Variants in NDE1 observed in about 807,000 individuals in gnomAD.
The protein encoded by NDE1 is nudE neurodevelopment protein 1, also known as nuclear distribution protein nudE homolog 1.
NDE1 carries 28 observed loss-of-function variants against 43.4 expected under a neutral mutation model. The observed-to-expected ratio is 0.65, with a 90% CI of 0.48 to 0.89. NDE1 has a LOEUF of 0.89. NDE1 is among the 40% of genes least tolerant of loss of function. The probability of loss-of-function intolerance (pLI) is 0.00; values close to 1 mark genes in which losing one functional copy is unlikely to be tolerated. For synonymous variants in NDE1, 184 were observed against 172.0 expected (o/e 1.07, Z -0.55); for missense variants, 441 against 434.1 (o/e 1.02, Z -0.14).
intron 1 of NDE1, among the ~76,000 whole-genome samples, chr16:15,664,329 A>T (rs2037192673): frequency 6.6e-6 from 1 of 152,024 alleles, no homozygotes; most frequent in Admixed American, 6.6e-5. Context: ...GGCAGTATTT[A>T]ATCATTTAAC....
chr16:15,712,609 T>A (rs11859586), intron 8 of NDE1, among the ~76,000 whole-genome samples: 1 of 152,040 alleles, frequency 6.6e-6, no homozygotes. Flanking sequence ...GAGAACTAAG[T>A]TGATACCCTG....
Position 15,725,500 on chromosome 16 carries a change from T to C in NDE1, c.*1249T>C. On this transcript the variant is annotated 3_prime_UTR_variant, in exon 9 of 9. Transcript: ENST00000396354. ...AAGCCAGAGACGCAGGCCCTAAAGG[T>C]AAAAACGTCCTCTCTGTATTCTCTG... is the stretch of plus-strand genomic sequence containing the variant. 9.4e-6 allele frequency: 4 copies of C among 425,694 alleles called. No homozygotes were observed. In the South Asian group the frequency reaches 2.7e-4, roughly 29 times the overall value. 26.4% of individuals were successfully genotyped at this position (425,694 alleles called of 1,614,324 possible).
chr16:15,693,759 A>G (rs2038871681), intron 6 of NDE1, among the ~76,000 whole-genome samples: 1 of 152,100 alleles, frequency 6.6e-6, no homozygotes. Context: ...GGACAACGTG[A>G]TGGAACTCTG....
chr16:15,687,776 C>T (rs539157991), intron 5 of NDE1, among the ~76,000 whole-genome samples: 296 of 152,324 alleles, frequency 1.9e-3, no homozygotes, highest in Non-Finnish European at 2.7e-3. Context: ...CAGATGAAGT[C>T]CTTGTATTGG....
At chr16:15,645,321 C>A (rs2036310437), upstream of NDE1, among the ~76,000 whole-genome samples, 1 of 152,124 alleles carries the variant, frequency 6.6e-6, no homozygotes, top group African/African-American at 2.4e-5. Flanking sequence ...TAACTAGTCA[C>A]AACAAGTAAA....
chr16:15,667,580 A>G, intron 3 of NDE1, 141 bp downstream of exon 3: 1 of 956,196 alleles, frequency 1.0e-6, no homozygotes, highest in Non-Finnish European at 1.6e-6. Flanking sequence ...CCTGTGCGGC[A>G]GACGTGATCT....
At chr16:15,702,341 C>T (rs1183952044) in intron 8 of NDE1, among the ~76,000 whole-genome samples, 2 of 152,276 alleles carry the variant, frequency 1.3e-5, no homozygotes, top group African/African-American at 4.8e-5. Context: ...GATGAATATT[C>T]GGCAAGACCA....
intron 8 of NDE1, among the ~76,000 whole-genome samples, chr16:15,704,829 G>A (rs1035211231): frequency 1.3e-5 from 2 of 152,210 alleles, no homozygotes; most frequent in South Asian, 2.1e-4. Flanking sequence ...GAAATTATAC[G>A]TGTTAATCCA....
intron 5 of NDE1, among the ~76,000 whole-genome samples, chr16:15,688,960 A>C (rs188772880): frequency 1.3e-5 from 2 of 152,060 alleles, no homozygotes; most frequent in Admixed American, 1.3e-4. Flanking sequence ...GGCCTCCCAA[A>C]GTGCTGGGAT....
chr16:15,650,319 G>T, intron 1 of NDE1, 25 bp downstream of exon 1: 1 of 257,396 alleles, frequency 3.9e-6, no homozygotes, highest in Non-Finnish European at 8.0e-6. Context: ...GCGCGGGGCT[G>T]GGGTCGGGGT....
At position 15,717,161 on chromosome 16, in the gene NDE1, T is replaced by A. The variant is rs1365841164; in HGVS notation, c.948-7030T>A. 1.2e-6 allele frequency: 2 copies of A among 1,614,042 alleles called. No individual in the cohort carries two copies. Among genetic ancestry groups the A allele is most frequent in the Non-Finnish European group, 1.7e-6 (2 of 1,180,030 alleles). ...ATACCTGGCCTCCTGCTCGACCTGC[T>A]CCTCCAGCTGTGCAATCTTGGCCTC... On this transcript the variant is annotated intron_variant, in intron 8 of 8. Transcript: ENST00000396354.
At chr16:15,660,752 C>G (rs184260589) in intron 1 of NDE1, among the ~76,000 whole-genome samples, 1 of 152,264 alleles carries the variant, frequency 6.6e-6, no homozygotes, top group Non-Finnish European at 1.5e-5. Context: ...CCCTTATCTT[C>G]CCTGCTTCTC....
upstream of NDE1, among the ~76,000 whole-genome samples, chr16:15,645,395 T>A (rs1233799610): frequency 6.6e-6 from 1 of 152,116 alleles, no homozygotes; most frequent in Non-Finnish European, 1.5e-5. Context: ...TTTGGGAGGC[T>A]GAGACAGGAG....
intron 1 of NDE1, among the ~76,000 whole-genome samples, chr16:15,662,896 C>G (rs1177146445): frequency 1.3e-5 from 2 of 152,020 alleles, no homozygotes; most frequent in African/African-American, 4.8e-5. Context: ...TCCTTTCTTT[C>G]TTGCATTGCT....
chr16:15,713,799 T>C (rs1246887596), intron 8 of NDE1: 1 of 152,352 alleles, frequency 6.6e-6, no homozygotes, highest in East Asian at 1.9e-4. Flanking sequence ...TGAGTTTCAT[T>C]TGGGTTGTGC....
At chr16:15,699,910 A>C in intron 8 of NDE1, 1 of 1,258,322 alleles carries the variant, frequency 7.9e-7, no homozygotes, top group Non-Finnish European at 1.0e-6. Flanking sequence ...GTTTTAAGTT[A>C]GTTTGAGAAA....
intron 7 of NDE1, 132 bp from the exon 8 acceptor site, chr16:15,696,577 G>C: frequency 6.5e-7 from 1 of 1,536,196 alleles, no homozygotes. Flanking sequence ...TTCCTCTTGG[G>C]GTCCCACCTT....
chr16:15,721,792 C>T (rs141266562), intron 8 of NDE1: 23 of 722,328 alleles, frequency 3.2e-5, no homozygotes, highest in East Asian at 5.4e-5. Flanking sequence ...AATCATCTGG[C>T]GTTCTGACTT....
chr16:15,722,207 A>G (rs2040522956), intron 8 of NDE1, among the ~76,000 whole-genome samples: 1 of 152,180 alleles, frequency 6.6e-6, no homozygotes, highest in Non-Finnish European at 1.5e-5. Flanking sequence ...TGCTTAGAGC[A>G]CACTGAGGTC....
Sources: allele counts gnomAD v4.1 joint callset (sites outside exome capture counted in the v4.1 genomes callset), GRCh38; gene constraint gnomAD v4.1.1; transcripts MANE v1.5; gene names NCBI Gene and HGNC (gene_info 2026-07-23, HGNC 2026-07-21).